RFTN2: variants seen among roughly 807,000 people sequenced by gnomAD.
RFTN2 encodes the protein raftlin-2.
RFTN2 carries 34 observed loss-of-function variants against 52.7 expected under a neutral mutation model. That is an observed-to-expected ratio of 0.64 (90% CI 0.49 to 0.86). The LOEUF (loss-of-function observed/expected upper bound fraction) is 0.86, where lower values mean the gene tolerates loss of function less well. Among genes scored for constraint, RFTN2 ranks in the 40% least tolerant of loss-of-function variants. The pLI, the probability that RFTN2 is intolerant of heterozygous loss-of-function variation, is 0.00. For missense variants in RFTN2, 536 were observed against 600.1 expected (o/e 0.89, Z 1.12); for synonymous variants, 203 against 217.7 (o/e 0.93, Z 0.59).
At chr2:197,666,810 T>C (rs1057244527) in intron 1 of RFTN2, among the ~76,000 whole-genome samples, 1 of 152,226 alleles carries the variant, frequency 6.6e-6, no homozygotes, top group Non-Finnish European at 1.5e-5. Flanking sequence ...ATGAAAACTT[T>C]GTTCATCCTT....
intron 1 of RFTN2, among the ~76,000 whole-genome samples, chr2:197,669,652 C>T (rs1298835290): frequency 1.3e-5 from 2 of 152,190 alleles, no homozygotes; most frequent in Non-Finnish European, 2.9e-5. Flanking sequence ...GTTCACAATA[C>T]ATGCTCCTAT....
At position 197,617,937 on chromosome 2, in the gene RFTN2, T is replaced by C; in HGVS notation, c.929-16A>G. ...AAATGTTCCCCTGTGAGGAAGAGGG[T>C]ACAATTAAGAAGGGTTGTAAATACT... On this transcript the variant is annotated splice_polypyrimidine_tract_variant and intron_variant, in intron 5 of 8. Coordinates refer to ENST00000295049, the MANE Select transcript of RFTN2 (RefSeq NM_144629.3). The C allele has an allele frequency of 6.3e-7, 1 of 1,586,064 alleles. No homozygotes were observed. Among genetic ancestry groups the C allele is most frequent in the Non-Finnish European group, 8.6e-7 (1 of 1,165,256 alleles).
intron 8 of RFTN2, among the ~76,000 whole-genome samples, chr2:197,586,286 C>G (rs1167707640): frequency 2.6e-5 from 4 of 152,096 alleles, no homozygotes; most frequent in Admixed American, 1.3e-4. Context: ...TTCTCACACA[C>G]CATGAAAATC....
rs759135537 is a variant in RFTN2, at chr2:197,572,283, G to C, written c.1234-3C>G. On this transcript the variant is annotated splice_region_variant and splice_polypyrimidine_tract_variant and intron_variant, in intron 8 of 8. Transcript: ENST00000295049. ...TTTATGTGGCGGCTGGCTTTCTTCT[G>C]AAACACAAGACATTGGTGACCAGGA... 1 of 1,613,264 alleles carries C rather than the reference G, an allele frequency of 6.2e-7. No individual in the cohort carries two copies. Among genetic ancestry groups the C allele is most frequent in the Non-Finnish European group, 8.5e-7 (1 of 1,179,184 alleles).
intron 2 of RFTN2, 22 bp downstream of exon 2, chr2:197,646,461 C>T: frequency 6.3e-7 from 1 of 1,585,292 alleles, no homozygotes; most frequent in Non-Finnish European, 8.6e-7. Flanking sequence ...TCACCTGCCT[C>T]TTTCTTGAAT....
chr2:197,585,223 C>T (rs895819455), intron 8 of RFTN2, among the ~76,000 whole-genome samples: 1 of 152,186 alleles, frequency 6.6e-6, no homozygotes, highest in Non-Finnish European at 1.5e-5. Flanking sequence ...CATCCTTACC[C>T]TACTTTTTGC....
intron 5 of RFTN2, among the ~76,000 whole-genome samples, chr2:197,619,943 A>G (rs1420011917): frequency 1.3e-5 from 2 of 151,430 alleles, no homozygotes; most frequent in Non-Finnish European, 2.9e-5. Context: ...ACAAGGTAAA[A>G]TAGTGTGGCA....
At chr2:197,590,595 C>T (rs747066726) in intron 8 of RFTN2, among the ~76,000 whole-genome samples, 2 of 152,188 alleles carry the variant, frequency 1.3e-5, no homozygotes, top group East Asian at 1.9e-4. Flanking sequence ...AGTGAAGCCA[C>T]GGACTCTCAC....
At chr2:197,647,450 G>A (rs1194662272) in intron 1 of RFTN2, among the ~76,000 whole-genome samples, 1 of 152,050 alleles carries the variant, frequency 6.6e-6, no homozygotes, top group Non-Finnish European at 1.5e-5. Flanking sequence ...GCTCAAGCAA[G>A]CCTGCTGCCT....
At chr2:197,656,870 C>G (rs2088901711) in intron 1 of RFTN2, among the ~76,000 whole-genome samples, 1 of 152,066 alleles carries the variant, frequency 6.6e-6, no homozygotes, top group Non-Finnish European at 1.5e-5. Context: ...CTCACAGGTA[C>G]TAGGCTGATA....
Position 197,595,901 on chromosome 2 carries a change from C to A in RFTN2, c.1233+90G>T, listed in dbSNP as rs144471968. 1.5e-3 allele frequency: 1,296 copies of A among 891,294 alleles called. 9 individuals carry two copies. Among genetic ancestry groups the A allele is most frequent in the Non-Finnish European group, 8.6e-4 (477 of 556,486 alleles). The allele number at this position is 891,294 out of a possible 1,614,324, so 55.2% of individuals were successfully genotyped here. On this transcript the variant is annotated intron_variant, in intron 8 of 8. Transcript: ENST00000295049. ...TCAGAGGACTGTTTCCATATCATGTCCACGCTTTCTTATTTGGAATTACAA... is the reference window on the plus strand; with the variant it reads ...TCAGAGGACTGTTTCCATATCATGTACACGCTTTCTTATTTGGAATTACAA...
At chr2:197,617,290 A>T (rs1238841978) in intron 6 of RFTN2, among the ~76,000 whole-genome samples, 1 of 152,202 alleles carries the variant, frequency 6.6e-6, no homozygotes, top group African/African-American at 2.4e-5. Flanking sequence ...ACTGCTGCTT[A>T]TGCATAGTTA....
Position 197,572,166 on chromosome 2 carries a change from AC to A in RFTN2, c.1347del (p.Glu449AspfsTer36). On this transcript the variant is annotated frameshift_variant, in exon 9 of 9. Transcript: ENST00000295049. LOFTEE classifies it low-confidence loss of function (END_TRUNC). Reference sequence around the variant, plus strand: ...CATTCCCGGGAGGGAGAAAGGCGGCACTCCTCAGGCAGGTGTCTGCTCTCTG... The same window carrying A: ...CATTCCCGGGAGGGAGAAAGGCGGCATCCTCAGGCAGGTGTCTGCTCTCTG... ...QPAESRHLPE[E>X]CRLSPSRECW... The A allele has an allele frequency of 6.2e-7, 1 of 1,614,020 alleles. No individual in the cohort carries two copies. The highest frequency in any genetic ancestry group is 8.5e-7 in the Non-Finnish European group (1 of 1,180,002).
chr2:197,605,392 T>A (rs1426584516), intron 7 of RFTN2, among the ~76,000 whole-genome samples: 2 of 152,044 alleles, frequency 1.3e-5, no homozygotes, highest in East Asian at 3.9e-4. Flanking sequence ...ATTTTTTGTA[T>A]TTTTAGTAGA....
At chr2:197,655,542 G>A (rs1308696918) in intron 1 of RFTN2, among the ~76,000 whole-genome samples, 1 of 152,124 alleles carries the variant, frequency 6.6e-6, no homozygotes, top group Non-Finnish European at 1.5e-5. Context: ...TAAAGATCAT[G>A]GGGCCAGGCT....
chr2:197,590,606 G>A (rs769669631), intron 8 of RFTN2, among the ~76,000 whole-genome samples: 6 of 152,170 alleles, frequency 3.9e-5, no homozygotes, highest in Non-Finnish European at 2.9e-5. Context: ...GGACTCTCAC[G>A]GTGAGTGTTA....
chr2:197,603,917 ACT>A (rs1003919844), intron 7 of RFTN2, among the ~76,000 whole-genome samples: 124 of 152,078 alleles, frequency 8.2e-4, no homozygotes, highest in African/African-American at 2.9e-3. Context: ...ACAGAGTGAG[ACT>A]CTGTCTCAAA....
intron 5 of RFTN2, among the ~76,000 whole-genome samples, chr2:197,628,338 C>A (rs936625477): frequency 6.6e-6 from 1 of 152,026 alleles, no homozygotes; most frequent in African/African-American, 2.4e-5. Context: ...AGATTCTGCA[C>A]CCCCGTCTCC....
At chr2:197,636,259 T>C (rs1224063011) in intron 3 of RFTN2, among the ~76,000 whole-genome samples, 6 of 145,496 alleles carry the variant, frequency 4.1e-5, no homozygotes, top group African/African-American at 1.3e-4. Context: ...AAAGTAGTTT[T>C]TTCCAATTCT....
Sources: allele counts gnomAD v4.1 joint callset (sites outside exome capture counted in the v4.1 genomes callset), GRCh38; gene constraint gnomAD v4.1.1; transcripts MANE v1.5; gene names NCBI Gene and HGNC (gene_info 2026-07-23, HGNC 2026-07-21).